The following SEMA4F variants were observed in gnomAD, a reference collection of about 807,000 sequenced individuals.
SEMA4F encodes ssemaphorin 4F.
SEMA4F carries 51 observed loss-of-function variants against 78.4 expected under a neutral mutation model. The ratio of observed to expected loss-of-function variants is 0.65; its 90% confidence interval spans 0.52 to 0.82. SEMA4F has a LOEUF of 0.82. SEMA4F is among the 40% of genes least tolerant of loss of function. The pLI, the probability that SEMA4F is intolerant of heterozygous loss-of-function variation, is 0.00. For synonymous variants in SEMA4F, 418 were observed against 408.7 expected (o/e 1.02, Z -0.27); for missense variants, 938 against 1,014.4 (o/e 0.92, Z 1.02).
chr2:74,707,185 T>C, the SEMA4F span, among the ~76,000 whole-genome samples: 1 of 152,250 alleles, frequency 6.6e-6, no homozygotes, highest in Non-Finnish European at 1.5e-5. Context: ...TATAATAGTT[T>C]GTTATCAATG....
chr2:74,698,727 G>T, the SEMA4F span, among the ~76,000 whole-genome samples: 1 of 152,124 alleles, frequency 6.6e-6, no homozygotes, highest in Non-Finnish European at 1.5e-5. Context: ...GTCATGCCAT[G>T]GTGAGTTTTC....
At chr2:74,657,730 C>G (rs1684226863) in intron 3 of SEMA4F, 106 bp downstream of exon 3, 1 of 1,392,400 alleles carries the variant, frequency 7.2e-7, no homozygotes, top group African/African-American at 1.4e-5. Context: ...CAGGCAGAGA[C>G]TCTAACACCA....
At chr2:74,666,134 C>T (rs867832337) in intron 5 of SEMA4F, among the ~76,000 whole-genome samples, 1 of 152,244 alleles carries the variant, frequency 6.6e-6, no homozygotes. Context: ...TCTCAAACTC[C>T]TGACCTCATG....
intron 10 of SEMA4F, 49 bp downstream of exon 10, chr2:74,675,433 C>T (rs139910870): frequency 1.4e-5 from 23 of 1,594,408 alleles, no homozygotes; most frequent in African/African-American, 8.1e-5. Context: ...TACACATTCT[C>T]GTCACAGAGA....
chr2:74,675,227 C>T lies in SEMA4F; in HGVS notation c.1215C>T (p.Leu405=), dbSNP rs753064592. Residue 405 remains leucine (L), a synonymous_variant, in exon 10 of 14, where the codon CTC becomes CTT. Transcript: ENST00000357877. ...CTCTCTCCCTGCCTGACCGCGTACTCACCTTCATCCGGGACCACCCACTCA... is the reference window on the plus strand; with the variant it reads ...CTCTCTCCCTGCCTGACCGCGTACTTACCTTCATCCGGGACCACCCACTCA... ...GSSLSLPDRV[L]TFIRDHPLMD... is the part of the protein sequence containing the mutation. 3 of 1,614,212 alleles carry T rather than the reference C, an allele frequency of 1.9e-6. No homozygotes were observed. In the Admixed American group the frequency reaches 5.0e-5, roughly 27 times the overall value.
intron 4 of SEMA4F, among the ~76,000 whole-genome samples, chr2:74,661,991 G>T (rs550674055): frequency 1.7e-4 from 26 of 152,282 alleles, no homozygotes; most frequent in Non-Finnish European, 2.9e-4. Context: ...GCCTCTCTTA[G>T]TGCCAAATGC....
intron 8 of SEMA4F, 45 bp from the exon 9 acceptor site, chr2:74,674,843 C>G (rs377402828): frequency 3.1e-6 from 5 of 1,600,278 alleles, no homozygotes; most frequent in Non-Finnish European, 3.4e-6. Flanking sequence ...GAGTTGCTAT[C>G]CCCCAGACCC....
chr2:74,706,615 G>T, the SEMA4F span, among the ~76,000 whole-genome samples: 1 of 152,230 alleles, frequency 6.6e-6, no homozygotes. Context: ...CAGATGGGTT[G>T]TCTGGAGTAG....
At chr2:74,702,547 C>A in the SEMA4F span, among the ~76,000 whole-genome samples, 1 of 152,132 alleles carries the variant, frequency 6.6e-6, no homozygotes, top group Non-Finnish European at 1.5e-5. Flanking sequence ...CTGATCTCAT[C>A]TAATTAGGGC....
At chr2:74,669,807 T>C (rs760935198) in intron 5 of SEMA4F, among the ~76,000 whole-genome samples, 4 of 152,312 alleles carry the variant, frequency 2.6e-5, no homozygotes, top group South Asian at 2.1e-4. Flanking sequence ...CTCATAATTA[T>C]GATTTTTCTT....
At chr2:74,668,708 T>C (rs1684821348) in intron 5 of SEMA4F, among the ~76,000 whole-genome samples, 1 of 151,522 alleles carries the variant, frequency 6.6e-6, no homozygotes, top group Admixed American at 6.6e-5. Flanking sequence ...CCTCCTGGGT[T>C]CAAGTGATTC....
the SEMA4F span, among the ~76,000 whole-genome samples, chr2:74,700,570 G>A: frequency 1.3e-5 from 2 of 152,150 alleles, no homozygotes; most frequent in Non-Finnish European, 2.9e-5. Context: ...GAGCCTGGGG[G>A]TGTGGGAGGG....
chr2:74,693,412 C>A, the SEMA4F span, among the ~76,000 whole-genome samples: 9 of 152,148 alleles, frequency 5.9e-5, no homozygotes, highest in Non-Finnish European at 1.2e-4. Flanking sequence ...AGTATTTCAC[C>A]ATTGTTTTTC....
chr2:74,660,331 C>G (rs1226493247), intron 4 of SEMA4F, among the ~76,000 whole-genome samples: 1 of 152,232 alleles, frequency 6.6e-6, no homozygotes. Context: ...GCCCAGAAGA[C>G]CTTATCTGTC....
the SEMA4F span, among the ~76,000 whole-genome samples, chr2:74,707,084 C>CAAAT: frequency 0.28 from 42,523 of 151,794 alleles, 8,910 homozygotes; most frequent in East Asian, 0.82. Context: ...ATGTATCTGA[C>CAAAT]AAATGCATTT....
chr2:74,662,587 G>T lies in SEMA4F; in HGVS notation c.457-145G>T. 4.2e-6 allele frequency: 3 copies of T among 720,288 alleles called. No individual in the cohort carries two copies. The South Asian group carries it at 4.7e-5, about 11-fold the overall frequency. The allele number at this position is 720,288 out of a possible 1,614,324, so 44.6% of individuals were successfully genotyped here. ...TGGGGGCATCAGGAATAGCTGACTG[G>T]TAATATGGGGATGATAGTTGGGGGT... On this transcript the variant is annotated intron_variant, in intron 4 of 13. Transcript: ENST00000357877.
At chr2:74,704,626 A>G in the SEMA4F span, among the ~76,000 whole-genome samples, 1 of 152,056 alleles carries the variant, frequency 6.6e-6, no homozygotes, top group Non-Finnish European at 1.5e-5. Flanking sequence ...AGTAATTATT[A>G]GGGGACAAAT....
chr2:74,685,630 G>A (rs1374278905), downstream of SEMA4F, among the ~76,000 whole-genome samples: 1 of 152,090 alleles, frequency 6.6e-6, no homozygotes, highest in African/African-American at 2.4e-5. Context: ...GATTGGTCAG[G>A]CCTGAGTCAA....
chr2:74,701,613 G>C, the SEMA4F span, among the ~76,000 whole-genome samples: 3 of 152,156 alleles, frequency 2.0e-5, no homozygotes, highest in Non-Finnish European at 4.4e-5. Flanking sequence ...AGCACCTCTC[G>C]TTGTTTGTAG....
Sources: allele counts gnomAD v4.1 joint callset (sites outside exome capture counted in the v4.1 genomes callset), GRCh38; gene constraint gnomAD v4.1.1; transcripts MANE v1.5; gene names NCBI Gene and HGNC (gene_info 2026-07-23, HGNC 2026-07-21).